Variants in PTPRO observed in about 807,000 individuals in gnomAD.
The protein encoded by PTPRO is receptor-type tyrosine-protein phosphatase O.
Under a neutral mutation model 145.2 loss-of-function variants are expected in PTPRO, and 62 were observed. The ratio of observed to expected loss-of-function variants is 0.43; its 90% CI spans 0.35 to 0.53. PTPRO has a LOEUF of 0.53. PTPRO is among the 20% of genes least tolerant of loss of function. The pLI, the probability that PTPRO is intolerant of heterozygous loss-of-function variation, is 0.01. For synonymous variants in PTPRO, 565 were observed against 514.7 expected, an observed-to-expected ratio of 1.10 and a Z score of -1.32; for missense variants, 1,345 against 1,482.7, an observed-to-expected ratio of 0.91 and a Z score of 1.53.
At chr12:15,588,418 A>G (rs2135668242) in intron 24 of PTPRO, among the ~76,000 whole-genome samples, 1 of 152,268 alleles carries the variant, frequency 6.6e-6, no homozygotes. Flanking sequence ...GATTAGAGGG[A>G]AAAAAGGGCT....
chr12:15,502,104 A>G (rs972590874), intron 5 of PTPRO, 41 bp downstream of exon 5: 4 of 1,533,918 alleles, frequency 2.6e-6, no homozygotes, highest in Non-Finnish European at 3.6e-6. Flanking sequence ...AACTGATACA[A>G]AGGAAGGGGA....
At chr12:15,575,838 A>G (rs1246750998) in intron 19 of PTPRO, among the ~76,000 whole-genome samples, 1 of 152,200 alleles carries the variant, frequency 6.6e-6, no homozygotes, top group Non-Finnish European at 1.5e-5. Flanking sequence ...GGCCACAGCA[A>G]TTCCTTGGCT....
At chr12:15,379,934 A>C (rs773405103) in intron 1 of PTPRO, among the ~76,000 whole-genome samples, 1 of 152,210 alleles carries the variant, frequency 6.6e-6, no homozygotes, top group Non-Finnish European at 1.5e-5. Context: ...AAAATGAATA[A>C]ATTTCATGTA....
chr12:15,527,627 G>T (rs1422084827), intron 12 of PTPRO, among the ~76,000 whole-genome samples: 1 of 152,202 alleles, frequency 6.6e-6, no homozygotes, highest in Non-Finnish European at 1.5e-5. Flanking sequence ...TTGACACACT[G>T]CCAGGATAAT....
At chr12:15,412,586 C>T (rs1939829946) in intron 1 of PTPRO, among the ~76,000 whole-genome samples, 1 of 152,170 alleles carries the variant, frequency 6.6e-6, no homozygotes, top group Non-Finnish European at 1.5e-5. Flanking sequence ...ATAAACAAAT[C>T]TAGTAATTGT....
intron 10 of PTPRO, among the ~76,000 whole-genome samples, chr12:15,521,583 G>A (rs1942722991): frequency 2.0e-5 from 3 of 151,970 alleles, no homozygotes; most frequent in Non-Finnish European, 4.4e-5. Context: ...TCTCAACCTG[G>A]GACTGCTCAA....
At chr12:15,364,664 G>T (rs952962856) in intron 1 of PTPRO, among the ~76,000 whole-genome samples, 2 of 152,118 alleles carry the variant, frequency 1.3e-5, no homozygotes, top group Admixed American at 1.3e-4. Context: ...GACAAGAAAG[G>T]GGGTGGGATG....
rs1393192449 is a variant in PTPRO at position 15,515,555 on chromosome 12, G to T, written c.1522G>T (p.Val508Leu). The T allele has an allele frequency of 6.2e-7, 1 of 1,613,888 alleles. No individual in the cohort carries two copies. Among genetic ancestry groups the T allele is most frequent in the East Asian group, 2.2e-5 (1 of 44,868 alleles). The change falls in exon 8 of 27, where the codon GTA (valine) becomes TTA (leucine). Residue 508 changes from valine (V) to leucine (L), a missense_variant. By Grantham distance (32) the Val-to-Leu change is conservative. This residue lies in a region of PTPRO where 1,130 missense variants were observed against 1,214.7 expected (regional missense o/e 0.93). Transcript: ENST00000281171. ...NLVPGAQYQVVIYLRKGPLIG... is the reference protein window; with the variant it reads ...NLVPGAQYQVLIYLRKGPLIG... Reference sequence around the variant, plus strand: ...GGTTCCTGGTGCCCAGTACCAGGTTGTAATATACCTAAGGAAAGGCCCTTT... The same window carrying T: ...GGTTCCTGGTGCCCAGTACCAGGTTTTAATATACCTAAGGAAAGGCCCTTT...
chr12:15,509,467 C>T (rs143378930), intron 7 of PTPRO, among the ~76,000 whole-genome samples: 15,173 of 151,210 alleles, frequency 0.1, 1,371 homozygotes, highest in African/African-American at 0.24. Context: ...AAGGCCGAGG[C>T]GGGTGGATCA....
intron 2 of PTPRO, among the ~76,000 whole-genome samples, chr12:15,489,786 A>G (rs903844421): frequency 6.6e-6 from 1 of 152,172 alleles, no homozygotes; most frequent in African/African-American, 2.4e-5. Flanking sequence ...CTGTGAAAGA[A>G]TTATGTGAAA....
chr12:15,572,058 A>G (rs1457896129), intron 19 of PTPRO, among the ~76,000 whole-genome samples: 2 of 152,242 alleles, frequency 1.3e-5, no homozygotes, highest in African/African-American at 4.8e-5. Context: ...GGAATCTAAA[A>G]TCCTGAATCC....
intron 1 of PTPRO, among the ~76,000 whole-genome samples, chr12:15,460,757 C>T (rs1224554668): frequency 5.3e-5 from 8 of 152,156 alleles, no homozygotes; most frequent in African/African-American, 1.4e-4. Flanking sequence ...TAAGAATTTT[C>T]CTTGAACCAT....
chr12:15,383,998 TG>T (rs1468688873), intron 1 of PTPRO, among the ~76,000 whole-genome samples: 2 of 152,182 alleles, frequency 1.3e-5, no homozygotes, highest in African/African-American at 4.8e-5. Context: ...AGGGTAGAAT[TG>T]GGCATCTTAT....
chr12:15,400,040 G>C (rs1939445910), intron 1 of PTPRO, among the ~76,000 whole-genome samples: 1 of 127,378 alleles, frequency 7.9e-6, no homozygotes, highest in Admixed American at 8.6e-5. Context: ...GACAGAGCAA[G>C]ACTCTTGTCT....
At position 15,322,869 on chromosome 12, in the gene PTPRO, C is replaced by A. The variant is rs1866340168; in HGVS notation, c.75+68C>A. 6.5e-6 allele frequency: 10 copies of A among 1,529,584 alleles called. No homozygotes were observed. The South Asian group carries it at 1.2e-4, about 18-fold the overall frequency. 94.8% of individuals were successfully genotyped at this position (1,529,584 alleles called of 1,614,324 possible). A position where few individuals can be genotyped will look rare whatever the true frequency, so the allele number is the denominator to read the frequency against. On this transcript the variant is annotated intron_variant, in intron 1 of 26. Coordinates refer to ENST00000281171, the MANE Select transcript of PTPRO (RefSeq NM_030667.3). This position sits in a 1 kb window ranked among gnomAD's most constrained non-coding sequence, Gnocchi z 6.3. ...GCAGCCGCGCTCCGGCGCCCTCGCTCTGCCGTTGGGAGCGGCGCGCCCCAG... is the reference window on the plus strand; with the variant it reads ...GCAGCCGCGCTCCGGCGCCCTCGCTATGCCGTTGGGAGCGGCGCGCCCCAG...
chr12:15,501,568 C>A, intron 4 of PTPRO, 52 bp from the exon 5 acceptor site: 1 of 1,486,074 alleles, frequency 6.7e-7, no homozygotes, highest in Non-Finnish European at 9.4e-7. Context: ...ATTAAGTATT[C>A]ACTCTAATTG....
chr12:15,466,156 T>G (rs1941410176), intron 1 of PTPRO, among the ~76,000 whole-genome samples: 1 of 152,192 alleles, frequency 6.6e-6, no homozygotes. Context: ...TTTTTGTTCA[T>G]TACTCTACAT....
At chr12:15,335,034 T>C (rs1366947670) in intron 1 of PTPRO, among the ~76,000 whole-genome samples, 1 of 152,104 alleles carries the variant, frequency 6.6e-6, no homozygotes, top group Non-Finnish European at 1.5e-5. Flanking sequence ...TGGTGATCCA[T>C]AAAATAGATA....
chr12:15,513,151 G>GAA (rs1565675567), intron 7 of PTPRO, among the ~76,000 whole-genome samples: 24 of 32,476 alleles, frequency 7.4e-4, no homozygotes, highest in East Asian at 2.7e-3. Context: ...AAGAAAGAAA[G>GAA]AAAGAAAAAG....
Sources: gnomAD v4.1 joint callset for allele counts (sites outside exome capture counted in the v4.1 genomes callset) on GRCh38, gnomAD v4.1.1 for gene constraint, gnomAD v4.1.1 regional missense constraint, Gnocchi (gnomAD v3.1) non-coding constraint, MANE v1.5 for transcripts, NCBI Gene and HGNC (gene_info 2026-07-23, HGNC 2026-07-21) for gene names.